PRKN: variants seen among roughly 807,000 people sequenced by gnomAD.
PRKN encodes E3 ubiquitin-protein ligase parkin.
Under a neutral mutation model 59.5 loss-of-function variants are expected in PRKN, and 56 were observed. The ratio of observed to expected loss-of-function variants is 0.94; its 90% CI spans 0.76 to 1.18. The LOEUF (loss-of-function observed/expected upper bound fraction) is 1.18, where lower values mean the gene tolerates loss of function less well. PRKN is among the 50% of genes most tolerant of loss of function. The probability of loss-of-function intolerance (pLI) is 0.00; values close to 1 mark genes in which losing one functional copy is unlikely to be tolerated. For missense variants in PRKN, 657 were observed against 596.4 expected (o/e 1.10, Z -1.06); for synonymous variants, 250 against 222.1 (o/e 1.13, Z -1.12).
intron 6 of PRKN, among the ~76,000 whole-genome samples, chr6:161,908,831 T>A (rs980574338): frequency 2.0e-5 from 3 of 152,210 alleles, no homozygotes; most frequent in African/African-American, 7.2e-5. Context: ...AACAAGAACA[T>A]GGAAAAATAT....
intron 7 of PRKN, among the ~76,000 whole-genome samples, chr6:161,679,051 A>G (rs1020659972): frequency 6.6e-5 from 10 of 152,158 alleles, no homozygotes; most frequent in Admixed American, 3.9e-4. Context: ...TAAACATAGT[A>G]TAAATAGATT....
chr6:161,823,302 C>G (rs544124012), intron 6 of PRKN, among the ~76,000 whole-genome samples: 2 of 152,158 alleles, frequency 1.3e-5, no homozygotes, highest in East Asian at 3.9e-4. Flanking sequence ...CTTCTGTCGG[C>G]AGCAAATCAT....
intron 2 of PRKN, among the ~76,000 whole-genome samples, chr6:162,284,058 C>G (rs1781053321): frequency 6.6e-6 from 1 of 151,976 alleles, no homozygotes; most frequent in Non-Finnish European, 1.5e-5. Context: ...AATCTGAGAA[C>G]TTCATGAATG....
In PRKN at chr6:161,795,407, T is replaced by C. The variant is rs111873826; in HGVS notation, c.735-9499A>G. Among the ~76,000 whole-genome samples, 1,450 of 151,782 alleles carry C rather than the reference T, an allele frequency of 9.6e-3. 24 individuals carry two copies. The highest frequency in any genetic ancestry group is 0.033 in the African/African-American group (1,355 of 41,408). On this transcript the variant is annotated intron_variant, in intron 6 of 11. Transcript: ENST00000366898. Reference sequence around the variant, plus strand: ...GCCACCATGCCTGGCTAATCTTTCCTATTTTTGGTAGAGATGGGGTCTCGC... The same window carrying C: ...GCCACCATGCCTGGCTAATCTTTCCCATTTTTGGTAGAGATGGGGTCTCGC...
chr6:161,833,570 T>C (rs1792605917), intron 6 of PRKN, among the ~76,000 whole-genome samples: 1 of 152,144 alleles, frequency 6.6e-6, no homozygotes, highest in South Asian at 2.1e-4. Flanking sequence ...GTGCGAACAA[T>C]ACCTGAGCTC....
intron 6 of PRKN, among the ~76,000 whole-genome samples, chr6:161,849,515 A>G (rs922386679): frequency 6.6e-6 from 1 of 152,096 alleles, no homozygotes; most frequent in Non-Finnish European, 1.5e-5. Flanking sequence ...CTGGCCTCAC[A>G]TGTTCAAGTT....
Position 161,739,848 on chromosome 6 carries a change from G to A in PRKN, c.871+45924C>T, listed in dbSNP as rs749028285. Among the ~76,000 whole-genome samples, 6 of 151,910 alleles carry A rather than the reference G, an allele frequency of 3.9e-5. No homozygotes were observed. The South Asian group carries it at 6.2e-4, about 16-fold the overall frequency. On this transcript the variant is annotated intron_variant, in intron 7 of 11. Coordinates refer to ENST00000366898, the MANE Select transcript of PRKN (RefSeq NM_004562.3). ...CTACTCACTCCAACCTCCACCTCCC[G>A]GGTTCAAGCGATTTTCCTACCTCAG...
chr6:162,393,374 T>C (rs113356330), intron 2 of PRKN, among the ~76,000 whole-genome samples: 4,045 of 151,772 alleles, frequency 0.027, 187 homozygotes, highest in African/African-American at 0.091. Flanking sequence ...TGGCTAGGAG[T>C]TGGTCTCAAA....
At chr6:162,527,621 G>T (rs1389697818) in intron 1 of PRKN, among the ~76,000 whole-genome samples, 1 of 152,098 alleles carries the variant, frequency 6.6e-6, no homozygotes, top group African/African-American at 2.4e-5. Context: ...GTTACGACTG[G>T]TTAAAACTGA....
At chr6:161,531,347 C>A (rs1779203394) in intron 9 of PRKN, among the ~76,000 whole-genome samples, 1 of 150,792 alleles carries the variant, frequency 6.6e-6, no homozygotes, top group Non-Finnish European at 1.5e-5. Flanking sequence ...TGCCACTGCA[C>A]TCCAGCCTGG....
At chr6:162,565,029 A>C (rs1009045361) in intron 1 of PRKN, among the ~76,000 whole-genome samples, 4 of 151,852 alleles carry the variant, frequency 2.6e-5, no homozygotes, top group Non-Finnish European at 4.4e-5. Flanking sequence ...ACAATGAACG[A>C]ATCAAAAATA....
chr6:161,735,974 A>C (rs1436501885), intron 7 of PRKN, among the ~76,000 whole-genome samples: 1 of 152,200 alleles, frequency 6.6e-6, no homozygotes, highest in African/African-American at 2.4e-5. Context: ...TCTTCTTAAA[A>C]AATTCTTCCT....
intron 1 of PRKN, among the ~76,000 whole-genome samples, chr6:162,485,739 G>A (rs1792506968): frequency 6.6e-6 from 1 of 152,112 alleles, no homozygotes; most frequent in Admixed American, 6.5e-5. Context: ...ACCCTTTGGA[G>A]CAACCTGTTC....
intron 4 of PRKN, among the ~76,000 whole-genome samples, chr6:162,076,058 T>G (rs1778813912): frequency 6.7e-6 from 1 of 149,500 alleles, no homozygotes; most frequent in African/African-American, 2.5e-5. Context: ...AACCTTCATC[T>G]CCTGGCTTCA....
intron 1 of PRKN, among the ~76,000 whole-genome samples, chr6:162,469,045 G>A (rs1203149524): frequency 6.6e-6 from 1 of 152,004 alleles, no homozygotes; most frequent in Non-Finnish European, 1.5e-5. Context: ...GGGGAAATAT[G>A]GAATGTATCC....
At chr6:162,351,973 G>T (rs987483491) in intron 2 of PRKN, among the ~76,000 whole-genome samples, 21 of 152,090 alleles carry the variant, frequency 1.4e-4, no homozygotes, top group African/African-American at 4.6e-4. Flanking sequence ...AATGCCAAAG[G>T]TAGACACCAG....
At chr6:161,905,679 G>A (rs557001618) in intron 6 of PRKN, among the ~76,000 whole-genome samples, 78 of 151,144 alleles carry the variant, frequency 5.2e-4, no homozygotes, top group African/African-American at 1.6e-3. Context: ...GTACATTTTC[G>A]GCCGGGTGTG....
At chr6:162,423,852 G>C (rs759422703) in intron 2 of PRKN, among the ~76,000 whole-genome samples, 1 of 152,158 alleles carries the variant, frequency 6.6e-6, no homozygotes, top group African/African-American at 2.4e-5. Context: ...ACCACCCTGA[G>C]TGTTTAGATG....
intron 4 of PRKN, among the ~76,000 whole-genome samples, chr6:162,144,209 T>G (rs1781907047): frequency 1.3e-5 from 2 of 152,152 alleles, no homozygotes; most frequent in South Asian, 4.1e-4. Context: ...TGGAGAGAAC[T>G]TTAAAGGCAA....
Sources: gnomAD v4.1 joint callset for allele counts (sites outside exome capture counted in the v4.1 genomes callset) on GRCh38, gnomAD v4.1.1 for gene constraint, MANE v1.5 for transcripts, NCBI Gene and HGNC (gene_info 2026-07-23, HGNC 2026-07-21) for gene names.